NUMA1: variants seen among roughly 807,000 people sequenced by gnomAD.
NUMA1 encodes SP-H antigen.
Under a neutral mutation model 237.1 loss-of-function variants are expected in NUMA1, and 62 were observed. That is an observed-to-expected ratio of 0.26 (90% CI 0.21 to 0.32). NUMA1 has a LOEUF of 0.32. Ranked by LOEUF, NUMA1 falls within the 10% of genes least tolerant of loss-of-function variation. NUMA1 has a pLI of 1.00. For missense variants in NUMA1, 2,533 were observed against 2,666.5 expected (o/e 0.95, Z 1.10); for synonymous variants, 1,028 against 1,066.1 (o/e 0.96, Z 0.70).
intron 2 of NUMA1, among the ~76,000 whole-genome samples, chr11:72,045,489 T>G (rs922936515): frequency 6.6e-6 from 1 of 152,182 alleles, no homozygotes; most frequent in African/African-American, 2.4e-5. Context: ...TTGTTGTTTT[T>G]GTTTTCTTGA....
chr11:72,073,048 C>CAAAAAAAAA (rs71052849), intron 1 of NUMA1, among the ~76,000 whole-genome samples: 507 of 38,954 alleles, frequency 0.013, 190 homozygotes, highest in African/African-American at 0.028. Context: ...GACTCCGTCT[C>CAAAAAAAAA]AAAAAAAAAA....
rs752502148 is a variant in NUMA1 at position 72,004,357 on chromosome 11, C to T, written c.6007-16G>A. ...CCTTCTTAGACTATGGAGAAGAGGA[C>T]AGTTAGGCAGACAGTAGCAAGAGGA... On this transcript the variant is annotated splice_polypyrimidine_tract_variant and intron_variant, in intron 24 of 26. Transcript: ENST00000393695. 16 of 1,602,838 alleles carry T rather than the reference C, an allele frequency of 1.0e-5. No individual in the cohort carries two copies. Among genetic ancestry groups the T allele is most frequent in the Non-Finnish European group, 1.1e-5 (13 of 1,171,846 alleles).
At chr11:72,036,827 TTAAC>T (rs1385723142) in intron 2 of NUMA1, among the ~76,000 whole-genome samples, 1 of 152,116 alleles carries the variant, frequency 6.6e-6, no homozygotes, top group East Asian at 1.9e-4. Flanking sequence ...ACAGACCAGA[TTAAC>T]TAAATATTCA....
chr11:72,047,725 G>A (rs1942081624), intron 2 of NUMA1: 1 of 152,288 alleles, frequency 6.6e-6, no homozygotes, highest in African/African-American at 2.4e-5. Context: ...GCAGGGGACA[G>A]GCTCTGGATT....
intron 20 of NUMA1, chr11:72,007,691 TG>T (rs1206122169): frequency 1.9e-6 from 1 of 535,314 alleles, no homozygotes; most frequent in Non-Finnish European, 3.3e-6. Flanking sequence ...CAGATGCCCA[TG>T]GCTGCTTCAC....
Position 72,010,794 on chromosome 11 carries a change from TCTGCTG to T in NUMA1, c.4705_4710del (p.Gln1569_Gln1570del), listed in dbSNP as rs1956105925. On this transcript the variant is annotated inframe_deletion, in exon 17 of 27. Transcript: ENST00000393695. ...TCCCCCAGCTGCCCCACCTTCAGCT[TCTGCTG>T]CTGCACCTTGCTGGCTTGGTCAGAG... 4 of 1,613,426 alleles carry T rather than the reference TCTGCTG, an allele frequency of 2.5e-6. No individual in the cohort carries two copies. Among genetic ancestry groups the T allele is most frequent in the African/African-American group, 2.7e-5 (2 of 74,872 alleles).
At position 72,017,970 on chromosome 11, in the gene NUMA1, A is replaced by G. The variant is rs375518840; in HGVS notation, c.979-143T>C. 7.4e-6 allele frequency: 8 copies of G among 1,075,576 alleles called. No individual in the cohort carries two copies. The East Asian group carries it at 1.3e-4, about 17-fold the overall frequency. The allele number at this position is 1,075,576 out of a possible 1,614,324, so 66.6% of individuals were successfully genotyped here. ...AACCAATCACAGCCATCACACCTCT[A>G]ATTCAGAACTACAAATCAACATTTA... On this transcript the variant is annotated intron_variant, in intron 12 of 26. Transcript: ENST00000393695.
intron 1 of NUMA1, among the ~76,000 whole-genome samples, chr11:72,073,047 T>TAAAAAAAAAAA (rs1298771312): frequency 1.6e-3 from 2 of 1,266 alleles, no homozygotes; most frequent in South Asian, 0.018. Context: ...AGACTCCGTC[T>TAAAAAAAAAAA]CAAAAAAAAA....
chr11:72,018,346 G>A, intron 11 of NUMA1, 46 bp from the exon 12 acceptor site: 8 of 1,605,982 alleles, frequency 5.0e-6, no homozygotes, highest in Non-Finnish European at 6.0e-6. Context: ...GTTCCTGGCT[G>A]GGTGAGGGGA....
chr11:72,005,444 G>A, intron 22 of NUMA1, 75 bp from the exon 23 acceptor site: 1 of 1,431,972 alleles, frequency 7.0e-7, no homozygotes, highest in Non-Finnish European at 9.6e-7. Context: ...CATCTTGCCA[G>A]CCTTTGCTGC....
In NUMA1 at chr11:72,015,831, T is replaced by C. The variant is rs1224179635; in HGVS notation, c.1672A>G (p.Ser558Gly). 1 of 1,614,196 alleles carries C rather than the reference T, an allele frequency of 6.2e-7. No homozygotes were observed. The highest frequency in any genetic ancestry group is 8.5e-7 in the Non-Finnish European group (1 of 1,180,034). The change falls in exon 15 of 27, where the codon AGT becomes GGT. Residue 558 changes from serine to glycine, a missense_variant. Physicochemically the swap from Ser to Gly is moderately conservative, Grantham distance 56 (BLOSUM62 0). Coordinates refer to ENST00000393695, the MANE Select transcript of NUMA1 (RefSeq NM_006185.4). The surrounding 1 kb of genome is among the most constrained non-coding windows in gnomAD (Gnocchi z 4.0). ...TGCTGCTCCTTCTGCTTCAGGCTAC[T>C]GCTTAGCTGCTCCACCTGGTGGCGG... ...GLRHQVEQLSSSLKQKEQQLK... is the reference protein window; with the variant it reads ...GLRHQVEQLSGSLKQKEQQLK...
intron 8 of NUMA1, among the ~76,000 whole-genome samples, chr11:72,019,830 T>C (rs541700350): frequency 6.6e-6 from 1 of 152,280 alleles, no homozygotes; most frequent in East Asian, 1.9e-4. Context: ...AGTGCAGGGC[T>C]TCCATTTCTA....
At position 72,024,345 on chromosome 11, in the gene NUMA1, G is replaced by A. The variant is rs765353702; in HGVS notation, c.137C>T (p.Thr46Ile). 2 of 1,614,140 alleles carry A rather than the reference G, an allele frequency of 1.2e-6. No individual in the cohort carries two copies. Among genetic ancestry groups the A allele is most frequent in the Admixed American group, 1.7e-5 (1 of 60,026 alleles). ...CTTCAAGATTTGCTGTCCCTCTTCAGTGCCATGGCTAGAAAAAGAGCAAGT... is the reference window on the plus strand; with the variant it reads ...CTTCAAGATTTGCTGTCCCTCTTCAATGCCATGGCTAGAAAAAGAGCAAGT... The part of the protein sequence containing the change: ...FIKIIDRIHG[T>I]EEGQQILKQP... Residue 46 changes from threonine to isoleucine, a missense_variant, in exon 5 of 27, where the codon ACT (threonine) becomes ATT (isoleucine). Physicochemically the swap from Thr to Ile is moderately conservative, Grantham distance 89. This residue lies in a region of NUMA1 where 1,414 missense variants were observed against 1,508.1 expected (regional missense o/e 0.94). Coordinates refer to ENST00000393695, the MANE Select transcript of NUMA1 (RefSeq NM_006185.4).
In NUMA1 at chr11:72,007,296, G is replaced by A; in HGVS notation, c.5356C>T (p.Leu1786=). The change falls in exon 21 of 27, where the codon CTG becomes TTG. Residue 1786 remains leucine (L), a synonymous_variant. Transcript: ENST00000393695. Reference sequence around the variant, plus strand: ...CCCAGGGAGTCCAGGCTGCTCTCCAGGGGGGCCTGACTCCGAGCAGGGATG... The same window carrying A: ...CCCAGGGAGTCCAGGCTGCTCTCCAAGGGGGCCTGACTCCGAGCAGGGATG... ...TPIPARSQAP[L]ESSLDSLGDV... The A allele has an allele frequency of 1.2e-6, 2 of 1,612,942 alleles. No individual in the cohort carries two copies. The highest frequency in any genetic ancestry group is 1.7e-6 in the Non-Finnish European group (2 of 1,179,592).
intron 2 of NUMA1, among the ~76,000 whole-genome samples, chr11:72,044,607 G>A (rs867802484): frequency 5.3e-5 from 8 of 151,852 alleles, no homozygotes; most frequent in African/African-American, 9.7e-5. Context: ...TACTTTGGGG[G>A]GGGGGAGGAG....
intron 1 of NUMA1, among the ~76,000 whole-genome samples, chr11:72,071,802 A>G (rs1943463069): frequency 6.6e-6 from 1 of 152,202 alleles, no homozygotes; most frequent in African/African-American, 2.4e-5. Flanking sequence ...GTTAATAGTG[A>G]CTCTAAATGA....
At chr11:72,041,519 A>G (rs915905233) in intron 2 of NUMA1, 15 of 152,140 alleles carry the variant, frequency 9.9e-5, no homozygotes, top group African/African-American at 3.6e-4. Flanking sequence ...TAATCTGTCC[A>G]TCTCTCTGGA....
intron 13 of NUMA1, chr11:72,017,198 C>T (rs1431497865): frequency 5.5e-6 from 1 of 182,938 alleles, no homozygotes; most frequent in African/African-American, 2.4e-5. Flanking sequence ...GAACCTGAAG[C>T]AGATGCTAAG....
chr11:72,034,443 T>C (rs1436910733), intron 3 of NUMA1, among the ~76,000 whole-genome samples: 1 of 151,778 alleles, frequency 6.6e-6, no homozygotes, highest in African/African-American at 2.4e-5. Flanking sequence ...GCGTGGTGGC[T>C]CACACCTGTA....
Sources: gnomAD v4.1 joint callset for allele counts (sites outside exome capture counted in the v4.1 genomes callset) on GRCh38, gnomAD v4.1.1 for gene constraint, gnomAD v4.1.1 regional missense constraint, Gnocchi (gnomAD v3.1) non-coding constraint, MANE v1.5 for transcripts, NCBI Gene and HGNC (gene_info 2026-07-23, HGNC 2026-07-21) for gene names.